Variants in BACH2 observed in about 807,000 individuals in gnomAD.
BACH2 encodes BACH transcriptional regulator 2, also known as transcription regulator protein BACH2.
Under a neutral mutation model 61.8 loss-of-function variants are expected in BACH2, and 5 were observed. The observed-to-expected ratio is 0.08, with a 90% CI of 0.04 to 0.17. BACH2 has a LOEUF of 0.17. Ranked by LOEUF, BACH2 falls within the 10% of genes least tolerant of loss-of-function variation. The probability of loss-of-function intolerance (pLI) is 1.00; values close to 1 mark genes in which losing one functional copy is unlikely to be tolerated. For synonymous variants in BACH2, 446 were observed against 440.1 expected, an observed-to-expected ratio of 1.01 and a Z score of -0.17; for missense variants, 824 against 1,091.1, an observed-to-expected ratio of 0.76 and a Z score of 3.45.
intron 6 of BACH2, among the ~76,000 whole-genome samples, chr6:90,006,303 T>C (rs1157392574): frequency 3.9e-5 from 6 of 152,182 alleles, no homozygotes; most frequent in African/African-American, 1.2e-4. Flanking sequence ...GTATTTATCA[T>C]CTCACCTAGT....
intron 7 of BACH2, among the ~76,000 whole-genome samples, chr6:89,938,702 T>A (rs963524075): frequency 6.6e-6 from 1 of 152,140 alleles, no homozygotes; most frequent in Middle Eastern, 3.2e-3. Context: ...CCTAACTCAA[T>A]AAAATGACAA....
At chr6:90,050,990 T>C (rs1367681092) in intron 5 of BACH2, among the ~76,000 whole-genome samples, 1 of 152,120 alleles carries the variant, frequency 6.6e-6, no homozygotes, top group East Asian at 1.9e-4. Flanking sequence ...CAGGCTGGTC[T>C]TGAACTCCTG....
chr6:90,259,325 T>C (rs1771084349), intron 2 of BACH2, among the ~76,000 whole-genome samples: 1 of 152,224 alleles, frequency 6.6e-6, no homozygotes, highest in South Asian at 2.1e-4. Flanking sequence ...CAATTAAGAT[T>C]ATCATGTGAT....
chr6:90,278,850 G>A (rs1350517540), intron 1 of BACH2, among the ~76,000 whole-genome samples: 1 of 152,104 alleles, frequency 6.6e-6, no homozygotes, highest in African/African-American at 2.4e-5. Context: ...TGAAATCAAA[G>A]TATAAGGTGA....
rs933623832 is a variant in BACH2 at position 89,927,798 on chromosome 6, C to T, written c.*4610G>A. On this transcript the variant is annotated 3_prime_UTR_variant, in exon 9 of 9. Coordinates refer to ENST00000257749, the MANE Select transcript of BACH2 (RefSeq NM_021813.4). ...TTCTTTGCAAGTAATGTTTTTGCAC[C>T]GTCAGTTGAATAATTTATGCTCAAT... The T allele has an allele frequency of 2.0e-5, 3 of 152,634 alleles. No individual in the cohort carries two copies. Among genetic ancestry groups the T allele is most frequent in the Non-Finnish European group, 4.4e-5 (3 of 68,034 alleles). 9.5% of individuals were successfully genotyped at this position (152,634 alleles called of 1,614,324 possible). A position where few individuals can be genotyped will look rare whatever the true frequency, so the allele number is the denominator to read the frequency against.
At chr6:89,983,300 G>C (rs981832484) in intron 6 of BACH2, among the ~76,000 whole-genome samples, 1 of 152,278 alleles carries the variant, frequency 6.6e-6, no homozygotes, top group Non-Finnish European at 1.5e-5. Context: ...TCTGTGAAAA[G>C]GCAGGCATGA....
rs9451315 is a variant in BACH2, at chr6:90,008,108, C to T, written c.243+494G>A. ...AACCTGAGTGGGCTGTTTTCAACAACGGTGAGAAAAGCAAGTTTACACTTC... is the reference window on the plus strand; with the variant it reads ...AACCTGAGTGGGCTGTTTTCAACAATGGTGAGAAAAGCAAGTTTACACTTC... On this transcript the variant is annotated intron_variant, in intron 6 of 8. Transcript: ENST00000257749. This position sits in a 1 kb window ranked among gnomAD's most constrained non-coding sequence, Gnocchi z 4.1. 27,499 of 167,414 alleles carry T rather than the reference C, an allele frequency of 0.16. 2,512 individuals are homozygous for T. The highest frequency in any genetic ancestry group is 0.26 in the African/African-American group (10,767 of 41,634). The allele number at this position is 167,414 out of a possible 1,614,324, so 10.4% of individuals were successfully genotyped here.
At chr6:90,085,891 A>G (rs1781913234) in intron 5 of BACH2, among the ~76,000 whole-genome samples, 1 of 152,172 alleles carries the variant, frequency 6.6e-6, no homozygotes. Context: ...CATTAAATAC[A>G]TTCACATTGT....
chr6:90,272,260 G>GT (rs901093015), intron 1 of BACH2, among the ~76,000 whole-genome samples: 32 of 149,446 alleles, frequency 2.1e-4, no homozygotes, highest in Admixed American at 4.7e-4. Flanking sequence ...CTGTTCAGTA[G>GT]TTTTTTTTTT....
At chr6:90,284,100 A>T (rs530576101) in intron 1 of BACH2, among the ~76,000 whole-genome samples, 6 of 152,210 alleles carry the variant, frequency 3.9e-5, no homozygotes, top group Non-Finnish European at 8.8e-5. Flanking sequence ...CTAGAAATTC[A>T]GTTGCTTTGA....
At chr6:89,934,726 G>T (rs977949179) in intron 8 of BACH2, among the ~76,000 whole-genome samples, 1 of 152,102 alleles carries the variant, frequency 6.6e-6, no homozygotes, top group Non-Finnish European at 1.5e-5. Flanking sequence ...CACACACAAT[G>T]AAGTGGATGA....
rs372719418 is a variant in BACH2, at chr6:90,100,702, G to GACAC, written c.-161-11597_-161-11594dup. On this transcript the variant is annotated intron_variant, in intron 4 of 8. Coordinates refer to ENST00000257749, the MANE Select transcript of BACH2 (RefSeq NM_021813.4). ...CTCTCTCTCTACACACACACACACA[G>GACAC]ACACACACACACACACACACACACA... Among the ~76,000 whole-genome samples the GACAC allele has an allele frequency of 1.3e-3, 81 of 64,278 alleles. 2 individuals carry two copies. The highest frequency in any genetic ancestry group is 6.5e-3 in the South Asian group (12 of 1,856). The allele number at this position is 64,278 out of a possible 152,430, so 42.2% of individuals were successfully genotyped here. A position where few individuals can be genotyped will look rare whatever the true frequency, so the allele number is the denominator to read the frequency against.
intron 5 of BACH2, among the ~76,000 whole-genome samples, chr6:90,052,960 T>C (rs886475502): frequency 1.3e-5 from 2 of 152,188 alleles, no homozygotes; most frequent in East Asian, 3.8e-4. Flanking sequence ...TTTCTATTTG[T>C]CCTACTTTCC....
chr6:89,944,174 A>T (rs900659098), intron 7 of BACH2, among the ~76,000 whole-genome samples: 2 of 152,230 alleles, frequency 1.3e-5, no homozygotes, highest in Admixed American at 6.5e-5. Flanking sequence ...GCAAGTCTTC[A>T]TTCTGTCTGT....
In BACH2 at chr6:89,930,228, C is replaced by CATT. The variant is rs776435723; in HGVS notation, c.*2179_*2180insAAT. The CATT allele has an allele frequency of 1.9e-4, 10 of 53,426 alleles. No homozygotes were observed. Among genetic ancestry groups the CATT allele is most frequent in the African/African-American group, 7.3e-4 (10 of 13,652 alleles). The allele number at this position is 53,426 out of a possible 1,614,324, so 3.3% of individuals were successfully genotyped here. A position where few individuals can be genotyped will look rare whatever the true frequency, so the allele number is the denominator to read the frequency against. On this transcript the variant is annotated 3_prime_UTR_variant, in exon 9 of 9. Transcript: ENST00000257749. ...AGTGGAACTGTTTAAAAAGAAAAGC[C>CATT]TTTTTTTTTTTTTTTTTTTTTTTTT...
chr6:90,110,324 T>C (rs1582373993), intron 4 of BACH2, among the ~76,000 whole-genome samples: 2 of 152,362 alleles, frequency 1.3e-5, no homozygotes, highest in East Asian at 3.9e-4. Context: ...ATAAACTTTT[T>C]TTACTTTGTT....
At chr6:90,170,866 A>C (rs1384890916) in intron 4 of BACH2, among the ~76,000 whole-genome samples, 7 of 152,208 alleles carry the variant, frequency 4.6e-5, no homozygotes, top group Non-Finnish European at 1.5e-5. Flanking sequence ...AATTGTTAAA[A>C]GTTGAAAATG....
At chr6:90,210,960 G>C (rs905813526) in intron 3 of BACH2, among the ~76,000 whole-genome samples, 7 of 151,932 alleles carry the variant, frequency 4.6e-5, no homozygotes, top group African/African-American at 1.7e-4. Flanking sequence ...AGGAGTACCA[G>C]CCTGGCCAAC....
At chr6:90,177,095 T>C (rs1245536518) in intron 4 of BACH2, among the ~76,000 whole-genome samples, 1 of 152,160 alleles carries the variant, frequency 6.6e-6, no homozygotes, top group Admixed American at 6.5e-5. Flanking sequence ...AAAGGAAGAA[T>C]CTTTGCCTGC....
Sources: gnomAD v4.1 joint callset for allele counts (sites outside exome capture counted in the v4.1 genomes callset) on GRCh38, gnomAD v4.1.1 for gene constraint, Gnocchi (gnomAD v3.1) non-coding constraint, MANE v1.5 for transcripts, NCBI Gene and HGNC (gene_info 2026-07-23, HGNC 2026-07-21) for gene names.